The following PPM1B variants were observed in gnomAD, a reference collection of about 807,000 sequenced individuals.
PPM1B encodes protein phosphatase 1B.
In PPM1B, 22 loss-of-function variants were observed where a neutral mutation model predicts 43.0. That is an observed-to-expected ratio of 0.51 (90% CI 0.37 to 0.73). The LOEUF (loss-of-function observed/expected upper bound fraction) is 0.73, where lower values mean the gene tolerates loss of function less well. PPM1B is among the 30% of genes least tolerant of loss of function. The probability of loss-of-function intolerance (pLI) is 0.00; values close to 1 mark genes in which losing one functional copy is unlikely to be tolerated. For synonymous variants in PPM1B, 217 were observed against 197.9 expected (o/e 1.10, Z -0.81); for missense variants, 632 against 584.2 (o/e 1.08, Z -0.84).
In PPM1B at chr2:44,196,496, C is replaced by T. The variant is rs555130106; in HGVS notation, c.-14-4690C>T. On this transcript the variant is annotated intron_variant, in intron 1 of 5. Transcript: ENST00000282412. ...CTGAGGTAGTGTTTGTCAGATTTCT[C>T]CACTGTAGAGTTATTCTCTCCCTCG... Among the ~76,000 whole-genome samples the T allele has an allele frequency of 8.5e-5, 13 of 152,280 alleles. No individual in the cohort carries two copies. In the South Asian group the frequency reaches 2.7e-3, roughly 32 times the overall value.
chr2:44,189,934 A>G lies in PPM1B; in HGVS notation c.-14-11252A>G, dbSNP rs115281253. Among the ~76,000 whole-genome samples, 8 of 152,016 alleles carry G rather than the reference A, an allele frequency of 5.3e-5. No individual in the cohort carries two copies. The South Asian group carries it at 8.3e-4, about 16-fold the overall frequency. On this transcript the variant is annotated intron_variant, in intron 1 of 5. Transcript: ENST00000282412. ...TTTCCTTTACTAACATTTTGATGGC[A>G]TGTTGGGAGGGATTAGAGATAAATG...
chr2:44,239,463 G>C (rs1357047299), downstream of PPM1B, among the ~76,000 whole-genome samples: 1 of 151,890 alleles, frequency 6.6e-6, no homozygotes, highest in Non-Finnish European at 1.5e-5. Flanking sequence ...ATGCAGTCTT[G>C]CTATTTGTCA....
At chr2:44,236,923 A>C (rs1170591297), downstream of PPM1B, among the ~76,000 whole-genome samples, 1 of 152,238 alleles carries the variant, frequency 6.6e-6, no homozygotes, top group Non-Finnish European at 1.5e-5. Context: ...TGAGAAGCTA[A>C]ATAGTATTTA....
chr2:44,194,801 T>A (rs1467590793), intron 1 of PPM1B, among the ~76,000 whole-genome samples: 1 of 152,192 alleles, frequency 6.6e-6, no homozygotes, highest in Non-Finnish European at 1.5e-5. Context: ...ACTGGTTTTC[T>A]GTAAGGCTTC....
chr2:44,244,757 C>T (rs1022296926), downstream of PPM1B, among the ~76,000 whole-genome samples: 2 of 146,712 alleles, frequency 1.4e-5, no homozygotes, highest in African/African-American at 5.1e-5. Flanking sequence ...ATATATTAGA[C>T]CTTTTTTTTT....
chr2:44,197,562 C>G (rs1166501584), intron 1 of PPM1B, among the ~76,000 whole-genome samples: 1 of 152,164 alleles, frequency 6.6e-6, no homozygotes, highest in Non-Finnish European at 1.5e-5. Context: ...AGTATCCAGT[C>G]AGGGATATGA....
chr2:44,229,692 A>G (rs775113125), intron 5 of PPM1B, among the ~76,000 whole-genome samples: 2 of 152,216 alleles, frequency 1.3e-5, no homozygotes, highest in Non-Finnish European at 2.9e-5. Flanking sequence ...CTGTAAAGAT[A>G]TCTTTATTTT....
intron 3 of PPM1B, among the ~76,000 whole-genome samples, chr2:44,210,686 C>A (rs1435923169): frequency 6.6e-6 from 1 of 152,062 alleles, no homozygotes; most frequent in African/African-American, 2.4e-5. Flanking sequence ...TCCTTCCTTC[C>A]TTCCCTCTCC....
intron 1 of PPM1B, among the ~76,000 whole-genome samples, chr2:44,172,193 G>A (rs1667379300): frequency 6.6e-6 from 1 of 152,094 alleles, no homozygotes; most frequent in African/African-American, 2.4e-5. Flanking sequence ...TCTTCACACT[G>A]TACCTGATTT....
At chr2:44,234,408 G>A, downstream of PPM1B, 1 of 518,428 alleles carries the variant, frequency 1.9e-6, no homozygotes, top group Non-Finnish European at 2.5e-6. Context: ...AATCCCAGCT[G>A]CTTGGGAGGC....
downstream of PPM1B, among the ~76,000 whole-genome samples, chr2:44,231,912 ATTATT>A (rs940349890): frequency 2.6e-5 from 4 of 152,226 alleles, no homozygotes; most frequent in Non-Finnish European, 4.4e-5. Flanking sequence ...TTTTTTAAAA[ATTATT>A]TTATAACTGT....
At chr2:44,208,306 A>G (rs779001980) in intron 2 of PPM1B, among the ~76,000 whole-genome samples, 3 of 152,388 alleles carry the variant, frequency 2.0e-5, no homozygotes, top group Non-Finnish European at 4.4e-5. Context: ...ACTTGCGACT[A>G]TATAGCAATC....
downstream of PPM1B, among the ~76,000 whole-genome samples, chr2:44,231,648 TAAATC>T (rs1258062105): frequency 6.6e-6 from 1 of 152,186 alleles, no homozygotes; most frequent in Non-Finnish European, 1.5e-5. Context: ...GTTGCATACT[TAAATC>T]TATTCTTTTT....
intron 1 of PPM1B, among the ~76,000 whole-genome samples, chr2:44,182,736 C>T (rs1047912481): frequency 6.6e-6 from 1 of 151,980 alleles, no homozygotes; most frequent in African/African-American, 2.4e-5. Context: ...ACTCTAGGGG[C>T]TTTATTTTTC....
downstream of PPM1B, among the ~76,000 whole-genome samples, chr2:44,236,426 A>AAAAAAAAAAAAAAAAAAAC (rs1670615742): frequency 6.7e-6 from 1 of 149,124 alleles, no homozygotes; most frequent in Admixed American, 6.7e-5. Flanking sequence ...AAAAAAAAAA[A>AAAAAAAAAAAAAAAAAAAC]AGTTGTAATG....
At chr2:44,198,883 A>G (rs1018647343) in intron 1 of PPM1B, among the ~76,000 whole-genome samples, 4 of 152,212 alleles carry the variant, frequency 2.6e-5, no homozygotes, top group African/African-American at 7.2e-5. Context: ...AGAATGAATT[A>G]GTTTAAGCAG....
In PPM1B at chr2:44,199,637, A is replaced by G. The variant is rs75440567; in HGVS notation, c.-14-1549A>G. ...AGGCTTTAAAATCATTGTATCACAG[A>G]GAATTAAACCAGCATGTTCAAAAGT... On this transcript the variant is annotated intron_variant, in intron 1 of 5. Transcript: ENST00000282412. 3.9e-4 allele frequency among the ~76,000 whole-genome samples: 60 copies of G among 152,334 alleles called. 1 individual carries two copies. The highest frequency in any genetic ancestry group is 1.4e-3 in the African/African-American group (59 of 41,570).
At chr2:44,244,028 A>G (rs950526989) in intron 5 of PPM1B, among the ~76,000 whole-genome samples, 2 of 132,856 alleles carry the variant, frequency 1.5e-5, no homozygotes, top group Non-Finnish European at 3.3e-5. Context: ...AATTTTCTCC[A>G]TATGATCTAC....
chr2:44,231,540 C>A (rs1252483093), downstream of PPM1B: 2 of 768,230 alleles, frequency 2.6e-6, no homozygotes, highest in Non-Finnish European at 3.2e-6. Flanking sequence ...GGAAGAATAC[C>A]CATTAGAAAT....
Sources: allele counts gnomAD v4.1 joint callset (sites outside exome capture counted in the v4.1 genomes callset), GRCh38; gene constraint gnomAD v4.1.1; transcripts MANE v1.5; gene names NCBI Gene and HGNC (gene_info 2026-07-23, HGNC 2026-07-21).